The following KLHL4 variants were observed in gnomAD, a reference collection of about 807,000 sequenced individuals.
The protein encoded by KLHL4 is kelch like family member 4, also known as kelch-like protein 4.
A neutral mutation model predicts 45.8 loss-of-function variants in KLHL4; 17 were observed. The observed-to-expected ratio is 0.37, with a 90% CI of 0.25 to 0.56. KLHL4 has a LOEUF of 0.56. Among genes scored for constraint, KLHL4 ranks in the 20% least tolerant of loss-of-function variants. KLHL4 has a pLI of 0.79. For missense variants in KLHL4, 544 were observed against 544.9 expected, an observed-to-expected ratio of 1.00 and a Z score of 0.02; for synonymous variants, 224 against 189.9, an observed-to-expected ratio of 1.18 and a Z score of -1.47.
rs908459509 is a variant in KLHL4 at position 87,587,938 on chromosome X, C to A, written c.423-25939C>A. Among the ~76,000 whole-genome samples the A allele has an allele frequency of 6.3e-5, 7 of 111,327 alleles. No homozygotes were observed. The South Asian group carries it at 2.6e-3, about 41-fold the overall frequency. Reference sequence around the variant, plus strand: ...CCACAAGAAATCTACTAGAACTGATCAACAAATTCAGTAAACTTGCAGGAT... The same window carrying A: ...CCACAAGAAATCTACTAGAACTGATAAACAAATTCAGTAAACTTGCAGGAT... On this transcript the variant is annotated intron_variant, in intron 1 of 10. Transcript: ENST00000373119.
Position 87,636,168 on chromosome X carries a change from T to C in KLHL4, c.1925+393T>C, listed in dbSNP as rs141575540. 2.9e-3 allele frequency among the ~76,000 whole-genome samples: 326 copies of C among 112,356 alleles called. 1 individual carries two copies. Among genetic ancestry groups the C allele is most frequent in the African/African-American group, 0.01 (315 of 30,944 alleles). ...GACTAAAAATATATTTTTTAAATAT[T>C]CCGTATACATTTCAGATTCAGCATA... On this transcript the variant is annotated intron_variant, in intron 9 of 10. Transcript: ENST00000373119.
At position 87,613,792 on chromosome X, in the gene KLHL4, CAT is replaced by C. The variant is rs745824657; in HGVS notation, c.423-84_423-83del. On this transcript the variant is annotated intron_variant, in intron 1 of 10. Transcript: ENST00000373119. ...AGTTGGTATGCCTAAATTTCCACTA[CAT>C]GTTTGTACTCTCATTAGAGAAAAAT... 250 of 652,669 alleles carry C rather than the reference CAT, an allele frequency of 3.8e-4. No individual in the cohort carries two copies. The African/African-American group carries it at 5.2e-3, about 14-fold the overall frequency. 53.8% of individuals were successfully genotyped at this position (652,669 alleles called of 1,213,427 possible).
intron 1 of KLHL4, among the ~76,000 whole-genome samples, chrX:87,567,469 G>T (rs1296227586): frequency 9.0e-6 from 1 of 111,230 alleles, no homozygotes; most frequent in Non-Finnish European, 1.9e-5. Flanking sequence ...ATAATTCTGG[G>T]TATACGCCCA....
chrX:87,603,105 CAAAT>C (rs760729610), intron 1 of KLHL4, among the ~76,000 whole-genome samples: 7 of 111,501 alleles, frequency 6.3e-5, no homozygotes, highest in African/African-American at 2.0e-4. Context: ...CTTCAGAAGA[CAAAT>C]AAACAGTAGC....
intron 9 of KLHL4, among the ~76,000 whole-genome samples, chrX:87,659,746 C>G (rs968931512): frequency 2.7e-5 from 3 of 110,458 alleles, no homozygotes; most frequent in Non-Finnish European, 5.7e-5. Flanking sequence ...TTATTTTTTT[C>G]TGTTTCTTTG....
intron 1 of KLHL4, among the ~76,000 whole-genome samples, chrX:87,566,662 A>C (rs73509884): frequency 0.025 from 2,798 of 111,751 alleles, 32 homozygotes; most frequent in Middle Eastern, 0.037. Flanking sequence ...TTGAAAAATC[A>C]TAAGTCAAAC....
At chrX:87,542,710 G>T (rs1041729445) in intron 1 of KLHL4, among the ~76,000 whole-genome samples, 2 of 111,942 alleles carry the variant, frequency 1.8e-5, no homozygotes. Flanking sequence ...ACTTGCTTTT[G>T]ATTTTACAGG....
intron 9 of KLHL4, among the ~76,000 whole-genome samples, chrX:87,644,285 C>A (rs1157579756): frequency 9.0e-6 from 1 of 111,331 alleles, no homozygotes; most frequent in Non-Finnish European, 1.9e-5. Flanking sequence ...AAATCTAGAA[C>A]TCAACCCCTA....
chrX:87,654,928 G>A (rs1923938745), intron 9 of KLHL4, among the ~76,000 whole-genome samples: 1 of 111,049 alleles, frequency 9.0e-6, no homozygotes, highest in South Asian at 3.8e-4. Context: ...ATGCTTTTTG[G>A]CCATTTATAT....
intron 1 of KLHL4, among the ~76,000 whole-genome samples, chrX:87,551,430 C>A (rs1035891878): frequency 9.0e-6 from 1 of 111,297 alleles, no homozygotes; most frequent in African/African-American, 3.3e-5. Flanking sequence ...CTGCCAAAAG[C>A]AATCTACAAA....
chrX:87,640,204 G>C (rs1218715312), intron 9 of KLHL4, among the ~76,000 whole-genome samples: 1 of 110,779 alleles, frequency 9.0e-6, no homozygotes, highest in Non-Finnish European at 1.9e-5. Flanking sequence ...TAACTAAAAA[G>C]TTACCAACAA....
intron 1 of KLHL4, among the ~76,000 whole-genome samples, chrX:87,591,813 A>G (rs2147800768): frequency 8.9e-6 from 1 of 112,189 alleles, no homozygotes; most frequent in East Asian, 2.8e-4. Context: ...CACTGGAATA[A>G]ATGGGGTATT....
chrX:87,550,806 C>A (rs140200335), intron 1 of KLHL4, among the ~76,000 whole-genome samples: 59 of 111,411 alleles, frequency 5.3e-4, no homozygotes, highest in Middle Eastern at 9.3e-3. Context: ...AATACAGCAT[C>A]CCTTTATGAT....
At chrX:87,536,464 T>C (rs966870735) in intron 1 of KLHL4, among the ~76,000 whole-genome samples, 2 of 110,888 alleles carry the variant, frequency 1.8e-5, no homozygotes, top group Non-Finnish European at 3.8e-5. Flanking sequence ...TATACTGTAG[T>C]AAGAGTGTGA....
chrX:87,529,652 C>T lies in KLHL4; in HGVS notation c.422+11337C>T, dbSNP rs1411397298. On this transcript the variant is annotated intron_variant, in intron 1 of 10. Coordinates refer to ENST00000373119, the MANE Select transcript of KLHL4 (RefSeq NM_019117.5). ...TGCTTCAGAAAGAAAATGTTTGTTT[C>T]CAGAACAGTCATGATACTGCAATAT... Among the ~76,000 whole-genome samples the T allele has an allele frequency of 3.6e-5, 4 of 111,216 alleles. No individual in the cohort carries two copies. In the East Asian group the frequency reaches 1.1e-3, roughly 32 times the overall value.
At chrX:87,633,719 T>G in intron 7 of KLHL4, 30 bp from the exon 8 acceptor site, 1 of 1,123,821 alleles carries the variant, frequency 8.9e-7, no homozygotes, top group Non-Finnish European at 1.2e-6. Flanking sequence ...CATACCTAGG[T>G]GAACCCACAT....
chrX:87,614,727 AG>A (rs1168681845), intron 3 of KLHL4, among the ~76,000 whole-genome samples, 157 bp downstream of exon 3: 1 of 111,286 alleles, frequency 9.0e-6, no homozygotes, highest in African/African-American at 3.3e-5. Flanking sequence ...ACTAAAGAAT[AG>A]ATCAGTTAAA....
chrX:87,650,895 A>G (rs776190365), intron 9 of KLHL4, among the ~76,000 whole-genome samples: 2 of 111,771 alleles, frequency 1.8e-5, no homozygotes, highest in African/African-American at 6.5e-5. Context: ...ACAGAGAGCC[A>G]AGCAAAATAG....
In KLHL4 at chrX:87,669,094, A is replaced by G. The variant is rs1924478914; in HGVS notation, c.*2560A>G. The G allele has an allele frequency of 1.1e-6, 1 of 942,729 alleles. No homozygotes were observed. The highest frequency in any genetic ancestry group is 1.3e-6 in the Non-Finnish European group (1 of 759,172). The allele number at this position is 942,729 out of a possible 1,213,427, so 77.7% of individuals were successfully genotyped here. A position where few individuals can be genotyped will look rare whatever the true frequency, so the allele number is the denominator to read the frequency against. On this transcript the variant is annotated 3_prime_UTR_variant, in exon 11 of 11. Transcript: ENST00000373119. ...CCCTTTCTGACATGCTTTAGCAGAG[A>G]TAACTTATCAGGGCTAGTTTAAACA...
Sources: gnomAD v4.1 joint callset for allele counts (sites outside exome capture counted in the v4.1 genomes callset) on GRCh38, gnomAD v4.1.1 for gene constraint, MANE v1.5 for transcripts, NCBI Gene and HGNC (gene_info 2026-07-23, HGNC 2026-07-21) for gene names.